The following NPAS3 variants were observed in gnomAD, a reference collection of about 807,000 sequenced individuals.
NPAS3 encodes neuronal PAS domain-containing protein 3.
In NPAS3, 14 loss-of-function variants were observed where a neutral mutation model predicts 73.1. The observed-to-expected ratio is 0.19, with a 90% CI of 0.13 to 0.30. NPAS3 has a LOEUF of 0.30. Ranked by LOEUF, NPAS3 falls within the 10% of genes least tolerant of loss-of-function variation. NPAS3 has a pLI of 1.00. For missense variants in NPAS3, 1,096 were observed against 1,250.0 expected, an observed-to-expected ratio of 0.88 and a Z score of 1.86; for synonymous variants, 620 against 541.5, an observed-to-expected ratio of 1.14 and a Z score of -2.01.
At position 33,544,814 on chromosome 14, in the gene NPAS3, A is replaced by AT. The variant is rs1325370945; in HGVS notation, c.469-15306dup. ...TATATATATATATATATATATATGT[A>AT]TATATAATATATATGTGTATATATA... On this transcript the variant is annotated intron_variant, in intron 4 of 11. Transcript: ENST00000356141. 1.4e-3 allele frequency among the ~76,000 whole-genome samples: 147 copies of AT among 102,848 alleles called. 7 individuals are homozygous for AT. In the Middle Eastern group the frequency reaches 0.02, roughly 14 times the overall value. 67.5% of individuals were successfully genotyped at this position (102,848 alleles called of 152,430 possible).
At chr14:33,500,860 C>T (rs556594996) in intron 4 of NPAS3, among the ~76,000 whole-genome samples, 1 of 151,972 alleles carries the variant, frequency 6.6e-6, no homozygotes, top group Non-Finnish European at 1.5e-5. Flanking sequence ...GCCAGCAGTC[C>T]GTTGTAAGAG....
At chr14:33,301,796 A>T (rs957843709) in intron 3 of NPAS3, among the ~76,000 whole-genome samples, 1 of 152,236 alleles carries the variant, frequency 6.6e-6, no homozygotes, top group Non-Finnish European at 1.5e-5. Context: ...TATTTTTCTT[A>T]CGTTATACAT....
At chr14:33,456,101 A>C (rs1006157382) in intron 4 of NPAS3, among the ~76,000 whole-genome samples, 1 of 152,160 alleles carries the variant, frequency 6.6e-6, no homozygotes, top group African/African-American at 2.4e-5. Flanking sequence ...TTTGGATGGG[A>C]GGAATTTTTG....
intron 3 of NPAS3, among the ~76,000 whole-genome samples, chr14:33,264,234 G>T (rs2049085256): frequency 6.6e-6 from 1 of 151,792 alleles, no homozygotes; most frequent in Non-Finnish European, 1.5e-5. Flanking sequence ...AGAACACATG[G>T]ACACAGGAAG....
chr14:33,521,211 G>A (rs2053540516), intron 4 of NPAS3, among the ~76,000 whole-genome samples: 1 of 152,060 alleles, frequency 6.6e-6, no homozygotes, highest in South Asian at 2.1e-4. Flanking sequence ...AGACCTAAGA[G>A]GTCTGAGGGT....
At chr14:33,709,083 T>C (rs1053249697) in intron 6 of NPAS3, among the ~76,000 whole-genome samples, 5 of 152,214 alleles carry the variant, frequency 3.3e-5, no homozygotes, top group African/African-American at 4.8e-5. Context: ...TATTTATTGA[T>C]TGAATGAGTG....
intron 4 of NPAS3, among the ~76,000 whole-genome samples, chr14:33,522,570 G>T (rs1436881627): frequency 2.0e-5 from 3 of 152,120 alleles, no homozygotes; most frequent in African/African-American, 7.2e-5. Context: ...ATTTTCTGAT[G>T]TTGGAAATAA....
intron 4 of NPAS3, among the ~76,000 whole-genome samples, chr14:33,490,991 G>A (rs963352836): frequency 3.9e-5 from 6 of 152,022 alleles, no homozygotes; most frequent in African/African-American, 1.2e-4. Flanking sequence ...AGCAGCAACA[G>A]CAACGGCAGC....
chr14:33,549,515 G>A (rs2055009085), intron 4 of NPAS3, among the ~76,000 whole-genome samples: 1 of 152,228 alleles, frequency 6.6e-6, no homozygotes, highest in East Asian at 1.9e-4. Flanking sequence ...ATTACAGGCT[G>A]AGTGCCTATT....
chr14:33,404,087 A>T (rs2047561141), intron 4 of NPAS3, among the ~76,000 whole-genome samples: 2 of 152,144 alleles, frequency 1.3e-5, no homozygotes, highest in African/African-American at 4.8e-5. Flanking sequence ...CAAGGGAAAT[A>T]GTAAAATTTT....
At chr14:33,685,848 A>G (rs1176113836) in intron 6 of NPAS3, among the ~76,000 whole-genome samples, 1 of 152,190 alleles carries the variant, frequency 6.6e-6, no homozygotes, top group Non-Finnish European at 1.5e-5. Flanking sequence ...GAGATGGTGA[A>G]GAACTTGCCC....
intron 1 of NPAS3, among the ~76,000 whole-genome samples, chr14:32,977,351 G>GACATGCACACAC (rs1555313817): frequency 6.3e-4 from 6 of 9,454 alleles, no homozygotes; most frequent in Admixed American, 5.5e-3. Context: ...TTTTGTCTCT[G>GACATGCACACAC]ACACGCACAC....
At chr14:33,264,397 T>TA (rs1326571690) in intron 3 of NPAS3, among the ~76,000 whole-genome samples, 1 of 152,094 alleles carries the variant, frequency 6.6e-6, no homozygotes, top group African/African-American at 2.4e-5. Context: ...GCTGTGCACC[T>TA]ATGCCCTAAA....
chr14:33,194,511 G>A (rs894246104), intron 2 of NPAS3, among the ~76,000 whole-genome samples: 8 of 152,054 alleles, frequency 5.3e-5, no homozygotes, highest in Non-Finnish European at 8.8e-5. Context: ...AATTCTCTAC[G>A]TATTTCAGTT....
At chr14:33,577,778 C>T (rs1171138187) in intron 5 of NPAS3, among the ~76,000 whole-genome samples, 2 of 152,224 alleles carry the variant, frequency 1.3e-5, no homozygotes, top group African/African-American at 4.8e-5. Flanking sequence ...AGCTTTACTC[C>T]ATTTAGGGAC....
intron 4 of NPAS3, among the ~76,000 whole-genome samples, chr14:33,449,045 G>A (rs2049660720): frequency 6.6e-6 from 1 of 152,150 alleles, no homozygotes; most frequent in Non-Finnish European, 1.5e-5. Flanking sequence ...AGAATCTCTG[G>A]GCAGACACTC....
At chr14:33,197,316 A>T (rs761187611) in intron 2 of NPAS3, among the ~76,000 whole-genome samples, 1 of 151,412 alleles carries the variant, frequency 6.6e-6, no homozygotes, top group Non-Finnish European at 1.5e-5. Flanking sequence ...GAAGCTACAG[A>T]TGAAGAGCAG....
At chr14:33,092,013 C>T (rs550281386) in intron 2 of NPAS3, among the ~76,000 whole-genome samples, 1 of 152,322 alleles carries the variant, frequency 6.6e-6, no homozygotes, top group East Asian at 1.9e-4. Context: ...ACAGCAATAT[C>T]ATACTGAATG....
chr14:33,267,647 C>T (rs1369535307), intron 3 of NPAS3, among the ~76,000 whole-genome samples: 1 of 152,066 alleles, frequency 6.6e-6, no homozygotes, highest in Non-Finnish European at 1.5e-5. Flanking sequence ...GCTTGTCTCA[C>T]TAAATAAAAA....
Sources: allele counts gnomAD v4.1 joint callset (sites outside exome capture counted in the v4.1 genomes callset), GRCh38; gene constraint gnomAD v4.1.1; transcripts MANE v1.5; gene names NCBI Gene and HGNC (gene_info 2026-07-23, HGNC 2026-07-21).